BEND6: variants seen among roughly 807,000 people sequenced by gnomAD.
BEND6 encodes the protein BEN domain-containing protein 6.
BEND6 carries 24 observed loss-of-function variants against 31.8 expected under a neutral mutation model. The ratio of observed to expected loss-of-function variants is 0.75; its 90% CI spans 0.55 to 1.06. BEND6 has a LOEUF of 1.06. Ranked by LOEUF, BEND6 falls within the 50% of genes least tolerant of loss-of-function variation. The probability of loss-of-function intolerance (pLI) is 0.00; values close to 1 mark genes in which losing one functional copy is unlikely to be tolerated. For synonymous variants in BEND6, 109 were observed against 114.6 expected (o/e 0.95, Z 0.31); for missense variants, 294 against 327.4 (o/e 0.90, Z 0.79).
chr6:56,975,263 T>C lies in BEND6; in HGVS notation c.-100-6448T>C, dbSNP rs1825832174. Among the ~76,000 whole-genome samples, 3 of 151,316 alleles carry C rather than the reference T, an allele frequency of 2.0e-5. No individual in the cohort carries two copies. In the South Asian group the frequency reaches 6.3e-4, roughly 32 times the overall value. On this transcript the variant is annotated intron_variant, in intron 1 of 6. Coordinates refer to ENST00000370746, the MANE Select transcript of BEND6 (RefSeq NM_152731.3). ...AATCAGAAGTGTCATCTCCAAAAAA[T>C]GTTAAGGGGGTTGTAAAAAATAATC...
rs34750947 is a variant in BEND6, at chr6:57,000,633, G to GAA, written c.298+8092_298+8093dup. On this transcript the variant is annotated intron_variant, in intron 3 of 6. Transcript: ENST00000370746. ...ACAAGAATCCAAAATATGAGATAAT[G>GAA]AAAAAAAAAAAAAAAGTAGGAGTTG... is the stretch of plus-strand genomic sequence containing the variant. Among the ~76,000 whole-genome samples the GAA allele has an allele frequency of 5.4e-3, 719 of 133,608 alleles. 8 individuals carry two copies. The highest frequency in any genetic ancestry group is 0.019 in the African/African-American group (670 of 35,660). 87.7% of individuals were successfully genotyped at this position (133,608 alleles called of 152,430 possible).
At chr6:57,007,948 A>C (rs566829699) in intron 3 of BEND6, among the ~76,000 whole-genome samples, 1 of 152,318 alleles carries the variant, frequency 6.6e-6, no homozygotes, top group South Asian at 2.1e-4. Flanking sequence ...GGCCAGAGAT[A>C]ATTCCACCAG....
chr6:57,014,335 G>C, intron 3 of BEND6: 1 of 464,426 alleles, frequency 2.2e-6, no homozygotes, highest in Non-Finnish European at 3.8e-6. Flanking sequence ...CTTAAGAAAA[G>C]TACAAAAAAA....
chr6:57,022,683 G>C (rs1248648594), intron 6 of BEND6, among the ~76,000 whole-genome samples: 1 of 151,490 alleles, frequency 6.6e-6, no homozygotes, highest in Non-Finnish European at 1.5e-5. Flanking sequence ...TTTAGGCTCC[G>C]TTTGTTCCTG....
rs1165233868 is a variant in BEND6 at position 57,017,078 on chromosome 6, AAT to A, written c.520-119_520-118del. On this transcript the variant is annotated intron_variant, in intron 4 of 6. Coordinates refer to ENST00000370746, the MANE Select transcript of BEND6 (RefSeq NM_152731.3). ...AATTAAAATGTAAAATATATATTAAAATATATATATAATATCTTACCTTAAAA... is the reference window on the plus strand; with the variant it reads ...AATTAAAATGTAAAATATATATTAAAATATATATAATATCTTACCTTAAAA... The A allele has an allele frequency of 1.9e-5, 6 of 308,760 alleles. No individual in the cohort carries two copies. In the East Asian group the frequency reaches 2.9e-4, roughly 15 times the overall value. 19.1% of individuals were successfully genotyped at this position (308,760 alleles called of 1,614,324 possible). A position where few individuals can be genotyped will look rare whatever the true frequency, so the allele number is the denominator to read the frequency against.
chr6:56,965,511 T>A (rs908853244), intron 1 of BEND6, among the ~76,000 whole-genome samples: 3 of 151,826 alleles, frequency 2.0e-5, no homozygotes, highest in African/African-American at 7.3e-5. Flanking sequence ...CAAATAGATA[T>A]GTTGATGTTG....
At chr6:57,007,502 C>T (rs189453560) in intron 3 of BEND6, among the ~76,000 whole-genome samples, 40 of 152,124 alleles carry the variant, frequency 2.6e-4, no homozygotes, top group Non-Finnish European at 4.4e-4. Context: ...ACCTTAAAAG[C>T]ACAGGCAACA....
intron 1 of BEND6, among the ~76,000 whole-genome samples, chr6:56,972,744 C>T (rs927053870): frequency 6.6e-6 from 1 of 152,156 alleles, no homozygotes; most frequent in Non-Finnish European, 1.5e-5. Flanking sequence ...AAGCTCAGGC[C>T]GCCATAACAA....
intron 2 of BEND6, among the ~76,000 whole-genome samples, chr6:56,990,601 C>G (rs1442562206): frequency 6.6e-6 from 1 of 152,062 alleles, no homozygotes; most frequent in Non-Finnish European, 1.5e-5. Flanking sequence ...AACCAGCACC[C>G]TACGGTTTTC....
At chr6:56,992,631 T>G (rs1562547561) in intron 3 of BEND6, 76 bp downstream of exon 3, 1 of 1,443,402 alleles carries the variant, frequency 6.9e-7, no homozygotes. Flanking sequence ...AAATTAGCTG[T>G]CAAGAATGAA....
chr6:56,964,077 C>A (rs1039415719), intron 1 of BEND6, among the ~76,000 whole-genome samples: 13 of 149,608 alleles, frequency 8.7e-5, no homozygotes, highest in South Asian at 2.1e-4. Flanking sequence ...ATATACCTGA[C>A]ATATCAACTC....
At chr6:56,963,021 A>G (rs191987245) in intron 1 of BEND6, among the ~76,000 whole-genome samples, 26 of 152,308 alleles carry the variant, frequency 1.7e-4, no homozygotes, top group African/African-American at 6.0e-4. Flanking sequence ...TATTTTATGG[A>G]TGGGAATTCC....
intron 3 of BEND6, chr6:57,004,860 G>T (rs866074561): frequency 1.1e-4 from 69 of 640,452 alleles, no homozygotes; most frequent in African/African-American, 1.0e-3. Flanking sequence ...GAAATACAAA[G>T]AAATTAGCCA....
At chr6:57,016,970 C>A (rs1024299998) in intron 4 of BEND6, among the ~76,000 whole-genome samples, 5 of 151,800 alleles carry the variant, frequency 3.3e-5, no homozygotes, top group Non-Finnish European at 5.9e-5. Context: ...TGTATACACC[C>A]TATAACAAAT....
Position 56,990,603 on chromosome 6 carries a change from A to G in BEND6, c.121-1775A>G, listed in dbSNP as rs148342427. Among the ~76,000 whole-genome samples the G allele has an allele frequency of 2.0e-4, 31 of 152,056 alleles. No individual in the cohort carries two copies. The East Asian group carries it at 5.6e-3, about 28-fold the overall frequency. ...TTGTCTAACCCTGAACCAGCACCCT[A>G]CGGTTTTCTAGATTTTTAATAAGCC... On this transcript the variant is annotated intron_variant, in intron 2 of 6. Transcript: ENST00000370746.
At chr6:57,004,838 C>G in intron 3 of BEND6, 1 of 698,336 alleles carries the variant, frequency 1.4e-6, no homozygotes, top group Non-Finnish European at 2.6e-6. Context: ...TGAGACCAGC[C>G]TGGGCAACAA....
intron 4 of BEND6, 26 bp downstream of exon 4, chr6:57,015,379 T>C (rs993172129): frequency 7.0e-6 from 11 of 1,561,736 alleles, no homozygotes; most frequent in African/African-American, 1.4e-5. Context: ...CGCCTTATTG[T>C]TCTTTGGAAT....
chr6:57,007,769 G>A (rs1283590296), intron 3 of BEND6, among the ~76,000 whole-genome samples: 4 of 152,094 alleles, frequency 2.6e-5, no homozygotes, highest in East Asian at 3.9e-4. Flanking sequence ...CTTTGTTCCC[G>A]GAACCAAGCT....
chr6:56,956,227 T>G (rs1220574896), intron 1 of BEND6, among the ~76,000 whole-genome samples: 3 of 152,280 alleles, frequency 2.0e-5, no homozygotes, highest in African/African-American at 7.2e-5. Flanking sequence ...ATAACAACTG[T>G]ATTAGCCTCT....
Sources: gnomAD v4.1 joint callset for allele counts (sites outside exome capture counted in the v4.1 genomes callset) on GRCh38, gnomAD v4.1.1 for gene constraint, MANE v1.5 for transcripts, NCBI Gene and HGNC (gene_info 2026-07-23, HGNC 2026-07-21) for gene names.